Variants in TBR1 observed in about 807,000 individuals in gnomAD.
TBR1 encodes the protein T-box brain transcription factor 1, also known as T-box brain protein 1.
Under a neutral mutation model 60.3 loss-of-function variants are expected in TBR1, and 7 were observed. The observed-to-expected ratio is 0.12, with a 90% CI of 0.07 to 0.22. The LOEUF is 0.22. Among genes scored for constraint, TBR1 ranks in the 10% least tolerant of loss-of-function variants. TBR1 has a pLI of 1.00. For missense variants in TBR1, 616 were observed against 936.8 expected (o/e 0.66, Z 4.47); for synonymous variants, 417 against 409.9 (o/e 1.02, Z -0.21).
intron 2 of TBR1, 70 bp from the exon 3 acceptor site, chr2:161,418,131 T>G: frequency 1.3e-6 from 2 of 1,528,628 alleles, no homozygotes; most frequent in Non-Finnish European, 1.8e-6. Context: ...TGTGTGTGTG[T>G]CCTACGTGGT....
intron 2 of TBR1, 75 bp from the exon 3 acceptor site, chr2:161,418,126 G>GTGTC: frequency 6.9e-7 from 1 of 1,456,364 alleles, no homozygotes. Flanking sequence ...GTGTGTGTGT[G>GTGTC]TGTGTCCTAC....
Position 161,424,354 on chromosome 2 carries a change from C to T in TBR1, c.*127C>T. On this transcript the variant is annotated 3_prime_UTR_variant, in exon 6 of 6. Coordinates refer to ENST00000389554, the MANE Select transcript of TBR1 (RefSeq NM_006593.4). The surrounding 1 kb of genome is among the most constrained non-coding windows in gnomAD (Gnocchi z 4.4). The stretch of plus-strand genomic sequence containing the variant: ...CTCATTTTATTTGACCCTCGATGGC[C>T]GTCTGCAGCGAATAAGTGCAGGTCT... 9.3e-7 allele frequency: 1 copy of T among 1,070,326 alleles called. No homozygotes were observed. The highest frequency in any genetic ancestry group is 1.3e-6 in the Non-Finnish European group (1 of 753,750). 66.3% of individuals were successfully genotyped at this position (1,070,326 alleles called of 1,614,324 possible).
In TBR1 at chr2:161,420,216, T is replaced by C; in HGVS notation, c.1149T>C (p.Asp383=). Residue 383 remains aspartate (D), a synonymous_variant, in exon 5 of 6, where the codon GAT becomes GAC. Coordinates refer to ENST00000389554, the MANE Select transcript of TBR1 (RefSeq NM_006593.4). ...GCCAGATTACACAACTGAAAATAGATCACAACCCTTTTGCAAAAGGATTTC... is the reference window on the plus strand; with the variant it reads ...GCCAGATTACACAACTGAAAATAGACCACAACCCTTTTGCAAAAGGATTTC... ...QNTDITQLKI[D]HNPFAKGFRD... 2 of 1,613,552 alleles carry C rather than the reference T, an allele frequency of 1.2e-6. No individual in the cohort carries two copies. Among genetic ancestry groups the C allele is most frequent in the Non-Finnish European group, 1.7e-6 (2 of 1,179,756 alleles).
Position 161,418,360 on chromosome 2 carries a change from A to G in TBR1, c.969+38A>G, listed in dbSNP as rs1485732999. The G allele has an allele frequency of 4.4e-6, 7 of 1,594,452 alleles. 1 individual carries two copies. The highest frequency in any genetic ancestry group is 1.7e-4 in the Middle Eastern group (1 of 5,958). On this transcript the variant is annotated intron_variant, in intron 3 of 5. Transcript: ENST00000389554. Reference sequence around the variant, plus strand: ...AGCGCTCGTGTTTTCTCTCTCTCTCACCCCTTCCTCCCTGACATCCAGTTC... The same window carrying G: ...AGCGCTCGTGTTTTCTCTCTCTCTCGCCCCTTCCTCCCTGACATCCAGTTC...
intron 4 of TBR1, 26 bp from the exon 5 acceptor site, chr2:161,420,170 T>A: frequency 6.2e-7 from 1 of 1,603,160 alleles, no homozygotes. Context: ...AAAGGTGAGA[T>A]AACATTCATT....
In TBR1 at chr2:161,424,285, C is replaced by T; in HGVS notation, c.*58C>T. ...CGGACCCCCAGCCAGCCCCTCACAG[C>T]TCTTCCCCAGCTCCGCCTCCCCACA... On this transcript the variant is annotated 3_prime_UTR_variant, in exon 6 of 6. Transcript: ENST00000389554. The surrounding 1 kb of genome is among the most constrained non-coding windows in gnomAD (Gnocchi z 4.4). 6.8e-7 allele frequency: 1 copy of T among 1,480,308 alleles called. No individual in the cohort carries two copies. The highest frequency in any genetic ancestry group is 9.1e-7 in the Non-Finnish European group (1 of 1,104,912). 91.7% of individuals were successfully genotyped at this position (1,480,308 alleles called of 1,614,324 possible).
rs1327216554 is a variant in TBR1 at position 161,423,901 on chromosome 2, A to C, written c.1723A>C (p.Met575Leu). Residue 575 changes from methionine (M) to leucine (L), a missense_variant, in exon 6 of 6, where the codon ATG (methionine) becomes CTG (leucine). By Grantham distance (15) the Met-to-Leu change is conservative (BLOSUM62 2). Around this residue, in one of 8 missense-constraint regions of TBR1, gnomAD observed 210 missense variants for 297.4 expected, o/e 0.71. Coordinates refer to ENST00000389554, the MANE Select transcript of TBR1 (RefSeq NM_006593.4). Reference sequence around the variant, plus strand: ...CAACAGCGCCGCGGCCGCCGCGCGCATGGCCGGCGCCAATCCCTACCTGGG... The same window carrying C: ...CAACAGCGCCGCGGCCGCCGCGCGCCTGGCCGGCGCCAATCCCTACCTGGG... ...WPNSAAAAAR[M>L]AGANPYLGEE... is the part of the protein sequence containing the mutation. The C allele has an allele frequency of 2.9e-6, 4 of 1,382,932 alleles. No individual in the cohort carries two copies. Among genetic ancestry groups the C allele is most frequent in the Non-Finnish European group, 3.7e-6 (4 of 1,071,588 alleles). The allele number at this position is 1,382,932 out of a possible 1,614,324, so 85.7% of individuals were successfully genotyped here. A position where few individuals can be genotyped will look rare whatever the true frequency, so the allele number is the denominator to read the frequency against.
intron 2 of TBR1, 114 bp from the exon 3 acceptor site, chr2:161,418,087 G>GGTGTGTGTCT: frequency 7.2e-7 from 1 of 1,388,798 alleles, no homozygotes; most frequent in East Asian, 2.7e-5. Context: ...GGTGGAGTAA[G>GGTGTGTGTCT]GTGTGTGTAT....
In TBR1 at chr2:161,424,375, G is replaced by A. The variant is rs1472424589; in HGVS notation, c.*148G>A. On this transcript the variant is annotated 3_prime_UTR_variant, in exon 6 of 6. Coordinates refer to ENST00000389554, the MANE Select transcript of TBR1 (RefSeq NM_006593.4). The surrounding 1 kb of genome is among the most constrained non-coding windows in gnomAD (Gnocchi z 4.4). ...TGGCCGTCTGCAGCGAATAAGTGCA[G>A]GTCTCCGAGCGTGATTTTAACCTTT... 1 of 891,636 alleles carries A rather than the reference G, an allele frequency of 1.1e-6. No individual in the cohort carries two copies. The highest frequency in any genetic ancestry group is 1.7e-6 in the Non-Finnish European group (1 of 596,686). 55.2% of individuals were successfully genotyped at this position (891,636 alleles called of 1,614,324 possible). A position where few individuals can be genotyped will look rare whatever the true frequency, so the allele number is the denominator to read the frequency against.
intron 5 of TBR1, 61 bp from the exon 6 acceptor site, chr2:161,423,308 C>T (rs1475479055): frequency 2.0e-6 from 2 of 1,009,716 alleles, no homozygotes; most frequent in Admixed American, 6.0e-5. Context: ...GCCCCCACCC[C>T]CACCCCAAGG....
chr2:161,416,651 A>C lies in TBR1; in HGVS notation c.241A>C (p.Ser81Arg), dbSNP rs1476286027. 4 of 1,614,114 alleles carry C rather than the reference A, an allele frequency of 2.5e-6. No individual in the cohort carries two copies. Among genetic ancestry groups the C allele is most frequent in the Non-Finnish European group, 8.5e-7 (1 of 1,180,048 alleles). Residue 81 changes from serine to arginine, a missense_variant, in exon 1 of 6, where the codon AGT becomes CGT. Physicochemically the swap from Ser to Arg is moderately radical, Grantham distance 110. This residue lies in a region of TBR1 where 211 missense variants were observed against 268.7 expected (regional missense o/e 0.79). Transcript: ENST00000389554. This position sits in a 1 kb window ranked among gnomAD's most constrained non-coding sequence, Gnocchi z 6.1. ...SKDSPGDVQR[S>R]KLSPVLDGVS... is the part of the protein sequence containing the mutation. ...GGACTCACCAGGGGACGTCCAGAGA[A>C]GTAAACTCTCTCCTGTCTTGGACGG... is the stretch of plus-strand genomic sequence containing the variant.
rs763951259 is a variant in TBR1 at position 161,424,251 on chromosome 2, G to A, written c.*24G>A. 6 of 1,524,278 alleles carry A rather than the reference G, an allele frequency of 3.9e-6. No individual in the cohort carries two copies. Among genetic ancestry groups the A allele is most frequent in the Non-Finnish European group, 5.3e-6 (6 of 1,129,230 alleles). 94.4% of individuals were successfully genotyped at this position (1,524,278 alleles called of 1,614,324 possible). A position where few individuals can be genotyped will look rare whatever the true frequency, so the allele number is the denominator to read the frequency against. On this transcript the variant is annotated 3_prime_UTR_variant, in exon 6 of 6. Coordinates refer to ENST00000389554, the MANE Select transcript of TBR1 (RefSeq NM_006593.4). The surrounding 1 kb of genome is among the most constrained non-coding windows in gnomAD (Gnocchi z 4.4). ...AGGCCGCCCCTGCCCGCCCGGCCCC[G>A]CCGCGGCCCGGACCCCCAGCCAGCC...
At chr2:161,418,010 A>G in intron 2 of TBR1, 180 bp downstream of exon 2, 1 of 1,451,870 alleles carries the variant, frequency 6.9e-7, no homozygotes, top group Non-Finnish European at 9.1e-7. Flanking sequence ...TGCAAAAGCT[A>G]TTTTAATCAC....
chr2:161,416,758 G>T lies in TBR1; in HGVS notation c.348G>T (p.Ala116=), dbSNP rs1215204976. 1 of 1,613,980 alleles carries T rather than the reference G, an allele frequency of 6.2e-7. No homozygotes were observed. The highest frequency in any genetic ancestry group is 8.5e-7 in the Non-Finnish European group (1 of 1,180,032). The change falls in exon 1 of 6, where the codon GCG becomes GCT. Residue 116 remains alanine (A), a synonymous_variant. Coordinates refer to ENST00000389554, the MANE Select transcript of TBR1 (RefSeq NM_006593.4). The surrounding 1 kb of genome is among the most constrained non-coding windows in gnomAD (Gnocchi z 6.1). ...LLSQSSQPQS[A]ATAPSAMFPY... ...CTCAGTCCAGCCAGCCACAGTCTGCGGCCACTGCTCCCAGTGCCATGTTCC... is the reference window on the plus strand; with the variant it reads ...CTCAGTCCAGCCAGCCACAGTCTGCTGCCACTGCTCCCAGTGCCATGTTCC...
At position 161,417,796 on chromosome 2, in the gene TBR1, G is replaced by A; in HGVS notation, c.813G>A (p.Trp271Ter). The change falls in exon 2 of 6, where the codon TGG becomes TGA. Residue 271 changes from tryptophan to a stop codon, truncating the protein, a stop_gained. Transcript: ENST00000389554. LOFTEE classifies it high-confidence loss of function. This position sits in a 1 kb window ranked among gnomAD's most constrained non-coding sequence, Gnocchi z 5.3. ...ACTGGAGGTTTCAAGGAGGCAAATG[G>A]GTTCCTTGCGGCAAAGCGGACACCA... Reference protein sequence around the residue: ...PNHWRFQGGKWVPCGKADTNV... With the variant: ...PNHWRFQGGK The A allele has an allele frequency of 6.2e-7, 1 of 1,614,072 alleles. No homozygotes were observed. The highest frequency in any genetic ancestry group is 8.5e-7 in the Non-Finnish European group (1 of 1,180,040).
chr2:161,417,003 GGCT>G lies in TBR1; in HGVS notation c.595_597del (p.Leu199del). 1 of 1,614,174 alleles carries G rather than the reference GGCT, an allele frequency of 6.2e-7. No individual in the cohort carries two copies. Among genetic ancestry groups the G allele is most frequent in the Non-Finnish European group, 8.5e-7 (1 of 1,180,050 alleles). On this transcript the variant is annotated inframe_deletion, in exon 1 of 6. Coordinates refer to ENST00000389554, the MANE Select transcript of TBR1 (RefSeq NM_006593.4). The surrounding 1 kb of genome is among the most constrained non-coding windows in gnomAD (Gnocchi z 5.3). The stretch of plus-strand genomic sequence containing the variant: ...TACCAGTTCTCCTCCACCCAGCCGG[GGCT>G]GGTGCCCGGCAAAGCACAGGTGTAC...
chr2:161,417,255 G>T lies in TBR1; in HGVS notation c.692+153G>T. The T allele has an allele frequency of 3.9e-6, 3 of 766,948 alleles. No homozygotes were observed. In the South Asian group the frequency reaches 5.6e-5, roughly 14 times the overall value. 47.5% of individuals were successfully genotyped at this position (766,948 alleles called of 1,614,324 possible). A position where few individuals can be genotyped will look rare whatever the true frequency, so the allele number is the denominator to read the frequency against. ...GTTTTGGAAAGGGGGAAAGTGGAAGGGATAACCGCCAGGGTGATGTTGGTG... is the reference window on the plus strand; with the variant it reads ...GTTTTGGAAAGGGGGAAAGTGGAAGTGATAACCGCCAGGGTGATGTTGGTG... On this transcript the variant is annotated intron_variant, in intron 1 of 5. Coordinates refer to ENST00000389554, the MANE Select transcript of TBR1 (RefSeq NM_006593.4). The surrounding 1 kb of genome is among the most constrained non-coding windows in gnomAD (Gnocchi z 5.3).
Position 161,423,841 on chromosome 2 carries a change from G to C in TBR1, c.1663G>C (p.Gly555Arg). 6.8e-7 allele frequency: 1 copy of C among 1,465,590 alleles called. No individual in the cohort carries two copies. The highest frequency in any genetic ancestry group is 9.0e-7 in the Non-Finnish European group (1 of 1,111,576). The allele number at this position is 1,465,590 out of a possible 1,614,324, so 90.8% of individuals were successfully genotyped here. A position where few individuals can be genotyped will look rare whatever the true frequency, so the allele number is the denominator to read the frequency against. ...WGARSPPQYC[G>R]TKSGSVLPCW... is the part of the protein sequence containing the mutation. ...CGCCCGCAGTCCCCCGCAGTACTGC[G>C]GCACCAAGTCGGGCTCGGTGCTGCC... The change falls in exon 6 of 6, where the codon GGC becomes CGC. Residue 555 changes from glycine to arginine, a missense_variant. Coordinates refer to ENST00000389554, the MANE Select transcript of TBR1 (RefSeq NM_006593.4).
In TBR1 at chr2:161,416,483, C is replaced by A. The variant is rs757176020; in HGVS notation, c.73C>A (p.Pro25Thr). Reference protein sequence around the residue: ...KKFLNVSSSYPHSGGSELVLH... With the variant: ...KKFLNVSSSYTHSGGSELVLH... ...ATTTCTCAATGTGAGCAGCAGCTACCCACATTCAGGCGGATCCGAGCTTGT... is the reference window on the plus strand; with the variant it reads ...ATTTCTCAATGTGAGCAGCAGCTACACACATTCAGGCGGATCCGAGCTTGT... The change falls in exon 1 of 6, where the codon CCA becomes ACA. Residue 25 changes from proline (P) to threonine (T), a missense_variant. By Grantham distance (38) the Pro-to-Thr change is conservative (BLOSUM62 -1). Coordinates refer to ENST00000389554, the MANE Select transcript of TBR1 (RefSeq NM_006593.4). This position sits in a 1 kb window ranked among gnomAD's most constrained non-coding sequence, Gnocchi z 6.1. 1 of 1,613,978 alleles carries A rather than the reference C, an allele frequency of 6.2e-7. No individual in the cohort carries two copies. Among genetic ancestry groups the A allele is most frequent in the Admixed American group, 1.7e-5 (1 of 60,024 alleles).
Sources: gnomAD v4.1 joint callset for allele counts on GRCh38, gnomAD v4.1.1 for gene constraint, gnomAD v4.1.1 regional missense constraint, Gnocchi (gnomAD v3.1) non-coding constraint, MANE v1.5 for transcripts, NCBI Gene and HGNC (gene_info 2026-07-23, HGNC 2026-07-21) for gene names.